NKAIN2: variants seen among roughly 807,000 people sequenced by gnomAD.
The protein encoded by NKAIN2 is sodium/potassium-transporting ATPase subunit beta-1-interacting protein 2.
A neutral mutation model predicts 32.6 loss-of-function variants in NKAIN2; 14 were observed. That is an observed-to-expected ratio of 0.43 (90% CI 0.28 to 0.67). NKAIN2 has a LOEUF of 0.67. Ranked by LOEUF, NKAIN2 falls within the 30% of genes least tolerant of loss-of-function variation. The pLI, the probability that NKAIN2 is intolerant of heterozygous loss-of-function variation, is 0.17. For missense variants in NKAIN2, 198 were observed against 258.3 expected, an observed-to-expected ratio of 0.77 and a Z score of 1.60; for synonymous variants, 80 against 87.2, an observed-to-expected ratio of 0.92 and a Z score of 0.46.
intron 5 of NKAIN2, among the ~76,000 whole-genome samples, chr6:124,798,918 T>A (rs1169667727): frequency 2.6e-5 from 4 of 151,912 alleles, no homozygotes; most frequent in African/African-American, 9.7e-5. Context: ...ATCTACCAAA[T>A]CCCCAACCTA....
intron 2 of NKAIN2, among the ~76,000 whole-genome samples, chr6:124,332,801 G>C (rs575594580): frequency 6.6e-6 from 1 of 152,272 alleles, no homozygotes; most frequent in Non-Finnish European, 1.5e-5. Context: ...CATGGGCACT[G>C]CAGCTAAGAC....
intron 1 of NKAIN2, among the ~76,000 whole-genome samples, chr6:124,103,782 G>A (rs1251195150): frequency 6.6e-6 from 1 of 152,130 alleles, no homozygotes; most frequent in African/African-American, 2.4e-5. Context: ...TTATATGATA[G>A]TCATTTAAAA....
chr6:124,099,190 G>C (rs1438447768), intron 1 of NKAIN2, among the ~76,000 whole-genome samples: 1 of 152,132 alleles, frequency 6.6e-6, no homozygotes, highest in Non-Finnish European at 1.5e-5. Context: ...ATAGGAATAA[G>C]ATAATTGGTT....
At chr6:124,278,375 T>A (rs1795134911) in intron 1 of NKAIN2, among the ~76,000 whole-genome samples, 1 of 151,952 alleles carries the variant, frequency 6.6e-6, no homozygotes, top group South Asian at 2.1e-4. Flanking sequence ...ATAAATTTAT[T>A]TATCTTGAAG....
intron 5 of NKAIN2, among the ~76,000 whole-genome samples, chr6:124,801,939 T>C (rs1371651641): frequency 1.3e-5 from 2 of 152,214 alleles, no homozygotes; most frequent in Non-Finnish European, 2.9e-5. Flanking sequence ...GGAATGATCT[T>C]AAGTTCTTTT....
At chr6:123,908,259 C>T (rs901394756) in intron 1 of NKAIN2, among the ~76,000 whole-genome samples, 2 of 152,070 alleles carry the variant, frequency 1.3e-5, no homozygotes, top group Non-Finnish European at 2.9e-5. Context: ...ATCTGAGTCT[C>T]AGAATTGGTG....
intron 1 of NKAIN2, among the ~76,000 whole-genome samples, chr6:124,116,504 A>G (rs73565502): frequency 0.029 from 4,484 of 152,202 alleles, 225 homozygotes; most frequent in African/African-American, 0.1. Context: ...TCTTGAATTC[A>G]AGATGTTTTT....
intron 5 of NKAIN2, among the ~76,000 whole-genome samples, chr6:124,802,090 A>AT (rs1233406379): frequency 2.6e-5 from 4 of 152,116 alleles, no homozygotes; most frequent in South Asian, 4.1e-4. Flanking sequence ...GAGTTTTGTG[A>AT]TTTTCATTTC....
intron 3 of NKAIN2, among the ~76,000 whole-genome samples, chr6:124,609,346 G>C (rs1216946717): frequency 6.6e-6 from 1 of 152,128 alleles, no homozygotes; most frequent in Non-Finnish European, 1.5e-5. Flanking sequence ...GCTAAAGTCA[G>C]TTTTACTTTA....
intron 4 of NKAIN2, among the ~76,000 whole-genome samples, chr6:124,717,816 C>T (rs1775823783): frequency 6.6e-6 from 1 of 152,078 alleles, no homozygotes; most frequent in African/African-American, 2.4e-5. Context: ...AAGTTTAGCC[C>T]ACTCTGGTTC....
At chr6:124,283,869 G>A (rs1795424405) in intron 2 of NKAIN2, among the ~76,000 whole-genome samples, 2 of 152,132 alleles carry the variant, frequency 1.3e-5, no homozygotes, top group South Asian at 4.2e-4. Context: ...CAAAGGAAAT[G>A]TCTATAGGCA....
At chr6:124,094,215 C>G (rs1399793137) in intron 1 of NKAIN2, among the ~76,000 whole-genome samples, 1 of 152,132 alleles carries the variant, frequency 6.6e-6, no homozygotes, top group Non-Finnish European at 1.5e-5. Context: ...CTATAACACT[C>G]TACTGGAGAA....
intron 4 of NKAIN2, among the ~76,000 whole-genome samples, chr6:124,787,258 A>C (rs1779548307): frequency 1.3e-5 from 2 of 152,136 alleles, no homozygotes; most frequent in African/African-American, 2.4e-5. Flanking sequence ...TCTGTACAAC[A>C]AACCCCCATG....
At chr6:124,542,406 T>C (rs1334550741) in intron 3 of NKAIN2, among the ~76,000 whole-genome samples, 1 of 152,320 alleles carries the variant, frequency 6.6e-6, no homozygotes, top group African/African-American at 2.4e-5. Flanking sequence ...TTGAATATTT[T>C]GTATTTTTAG....
intron 1 of NKAIN2, among the ~76,000 whole-genome samples, chr6:124,262,557 A>G (rs1233268199): frequency 1.3e-5 from 2 of 152,214 alleles, no homozygotes; most frequent in African/African-American, 4.8e-5. Context: ...GTCAATTCCT[A>G]AAATAGTTTA....
At chr6:124,797,865 G>A (rs542013339) in intron 5 of NKAIN2, among the ~76,000 whole-genome samples, 1 of 152,022 alleles carries the variant, frequency 6.6e-6, no homozygotes, top group African/African-American at 2.4e-5. Flanking sequence ...GTTTCTTCCT[G>A]TCTATAAAGG....
chr6:124,508,270 CCAAAAAA>C (rs1311222994), intron 3 of NKAIN2, among the ~76,000 whole-genome samples: 11 of 151,146 alleles, frequency 7.3e-5, no homozygotes, highest in East Asian at 1.9e-4. Flanking sequence ...AAAATAAAAA[CCAAAAAA>C]CAAAAAACAA....
chr6:124,585,068 C>T (rs1445155568), intron 3 of NKAIN2, among the ~76,000 whole-genome samples: 1 of 152,184 alleles, frequency 6.6e-6, no homozygotes, highest in East Asian at 1.9e-4. Context: ...AAGTGTCCAT[C>T]AGCAGACAAA....
chr6:124,206,020 A>G (rs1790862633), intron 1 of NKAIN2, among the ~76,000 whole-genome samples: 1 of 151,918 alleles, frequency 6.6e-6, no homozygotes, highest in African/African-American at 2.4e-5. Flanking sequence ...AAATGGTCAT[A>G]GTTTAGAACC....
Sources: gnomAD v4.1 joint callset for allele counts (sites outside exome capture counted in the v4.1 genomes callset) on GRCh38, gnomAD v4.1.1 for gene constraint, MANE v1.5 for transcripts, NCBI Gene and HGNC (gene_info 2026-07-23, HGNC 2026-07-21) for gene names.